RANBP3L: variants seen among roughly 807,000 people sequenced by gnomAD.
RANBP3L encodes the protein ran-binding protein 3-like.
In RANBP3L, 56 loss-of-function variants were observed where a neutral mutation model predicts 67.2. That is an observed-to-expected ratio of 0.83 (90% confidence interval 0.67 to 1.04). The LOEUF (loss-of-function observed/expected upper bound fraction) is 1.04, where lower values mean the gene tolerates loss of function less well. Ranked by LOEUF, RANBP3L falls within the 50% of genes least tolerant of loss-of-function variation. The pLI, the probability that RANBP3L is intolerant of heterozygous loss-of-function variation, is 0.00. For synonymous variants in RANBP3L, 164 were observed against 181.4 expected (o/e 0.90, Z 0.77); for missense variants, 496 against 535.5 (o/e 0.93, Z 0.73).
intron 1 of RANBP3L, 115 bp downstream of exon 1, chr5:36,301,211 T>C: frequency 1.3e-6 from 1 of 741,336 alleles, no homozygotes; most frequent in Non-Finnish European, 2.4e-6. Context: ...CCCACCCTTA[T>C]GCATCACTAT....
chr5:36,253,923 T>C (rs1199556501), intron 11 of RANBP3L, 134 bp from the exon 12 acceptor site: 2 of 760,628 alleles, frequency 2.6e-6, no homozygotes. Flanking sequence ...TTTGACTAGA[T>C]TAAAACTTGA....
intron 1 of RANBP3L, among the ~76,000 whole-genome samples, chr5:36,289,392 T>C (rs1273136208): frequency 6.6e-6 from 1 of 152,162 alleles, no homozygotes; most frequent in African/African-American, 2.4e-5. Context: ...CCTTAATATT[T>C]CCTTATCCTT....
Position 36,256,852 on chromosome 5 carries a change from G to A in RANBP3L, c.903+89C>T, listed in dbSNP as rs768946364. 5.4e-5 allele frequency: 66 copies of A among 1,224,132 alleles called. No homozygotes were observed. In the African/African-American group the frequency reaches 9.3e-4, roughly 17 times the overall value. The allele number at this position is 1,224,132 out of a possible 1,614,324, so 75.8% of individuals were successfully genotyped here. On this transcript the variant is annotated intron_variant, in intron 10 of 13. Transcript: ENST00000296604. ...TAGTCTCCATGAAAACTATACTTCTGTCTGTATTTTTAAAGATGCCTCTTC... is the reference window on the plus strand; with the variant it reads ...TAGTCTCCATGAAAACTATACTTCTATCTGTATTTTTAAAGATGCCTCTTC...
rs1748348097 is a variant in RANBP3L, at chr5:36,247,265, T to C, written c.*2389A>G. On this transcript the variant is annotated 3_prime_UTR_variant, in exon 14 of 14. Transcript: ENST00000296604. ...TTGTACTAAATATTTGTGTAAGAAT[T>C]CTAAGAAAGAATAATGGAGTGTATA... is the stretch of plus-strand genomic sequence containing the variant. Among the ~76,000 whole-genome samples, 1 of 152,296 alleles carries C rather than the reference T, an allele frequency of 6.6e-6. No individual in the cohort carries two copies. Among genetic ancestry groups the C allele is most frequent in the East Asian group, 1.9e-4 (1 of 5,180 alleles).
chr5:36,246,974 C>T lies in RANBP3L; in HGVS notation c.*2680G>A, dbSNP rs1053652962. ...GGGTAAACAGTTGGGTAAAATCTTA[C>T]TAAAAGAAAGTTAAGGTTGTCTTAA... On this transcript the variant is annotated 3_prime_UTR_variant, in exon 14 of 14. Coordinates refer to ENST00000296604, the MANE Select transcript of RANBP3L (RefSeq NM_145000.5). 6.6e-6 allele frequency among the ~76,000 whole-genome samples: 1 copy of T among 152,024 alleles called. No individual in the cohort carries two copies. The highest frequency in any genetic ancestry group is 1.5e-5 in the Non-Finnish European group (1 of 68,000).
chr5:36,256,475 G>A (rs906031422), intron 10 of RANBP3L, among the ~76,000 whole-genome samples: 4 of 152,058 alleles, frequency 2.6e-5, no homozygotes, highest in African/African-American at 9.7e-5. Context: ...ATACTGTAGT[G>A]TGTATCTGTG....
intron 1 of RANBP3L, among the ~76,000 whole-genome samples, chr5:36,281,836 G>A (rs914485716): frequency 9.9e-5 from 15 of 152,186 alleles, no homozygotes; most frequent in African/African-American, 3.6e-4. Context: ...TAAGAAGAAT[G>A]TGTTACTTTT....
chr5:36,298,256 T>C (rs1418162106), intron 1 of RANBP3L, among the ~76,000 whole-genome samples: 2 of 147,674 alleles, frequency 1.4e-5, no homozygotes, highest in African/African-American at 5.1e-5. Context: ...GCCGAGATCA[T>C]GCCACTGCAC....
intron 1 of RANBP3L, among the ~76,000 whole-genome samples, chr5:36,296,616 G>A (rs1211266487): frequency 6.6e-6 from 1 of 152,150 alleles, no homozygotes; most frequent in East Asian, 1.9e-4. Context: ...TGACCTTGAA[G>A]ATTCACGGTT....
At chr5:36,288,186 T>G (rs1751457399) in intron 1 of RANBP3L, among the ~76,000 whole-genome samples, 1 of 152,230 alleles carries the variant, frequency 6.6e-6, no homozygotes, top group Non-Finnish European at 1.5e-5. Flanking sequence ...GGGCAACAAC[T>G]GTTCTGATGT....
At chr5:36,251,247 T>C (rs1579664322) in intron 13 of RANBP3L, 66 bp downstream of exon 13, 2 of 1,322,192 alleles carry the variant, frequency 1.5e-6, no homozygotes, top group Non-Finnish European at 1.0e-6. Context: ...ATCTACCTAA[T>C]ATATTAGGAT....
At chr5:36,273,749 C>G (rs975816875) in intron 1 of RANBP3L, among the ~76,000 whole-genome samples, 1 of 151,936 alleles carries the variant, frequency 6.6e-6, no homozygotes, top group Non-Finnish European at 1.5e-5. Context: ...AGCCTTTTTT[C>G]CTTTCTACTG....
intron 1 of RANBP3L, 106 bp downstream of exon 1, chr5:36,301,220 A>G: frequency 2.5e-6 from 2 of 803,032 alleles, no homozygotes; most frequent in Non-Finnish European, 4.4e-6. Context: ...ATGCATCACT[A>G]TTATGTCAGA....
At chr5:36,290,715 G>C (rs1049781898) in intron 1 of RANBP3L, among the ~76,000 whole-genome samples, 12 of 143,812 alleles carry the variant, frequency 8.3e-5, no homozygotes, top group Admixed American at 2.8e-4. Flanking sequence ...GATGGCCTTG[G>C]ACAACCATGG....
chr5:36,277,438 A>ATGTG (rs1750664101), intron 1 of RANBP3L, among the ~76,000 whole-genome samples: 8 of 82,262 alleles, frequency 9.7e-5, no homozygotes, highest in African/African-American at 3.9e-4. Context: ...ATATATATAT[A>ATGTG]TATGTGTGTG....
chr5:36,282,812 C>T (rs535738694), intron 1 of RANBP3L, among the ~76,000 whole-genome samples: 5 of 152,120 alleles, frequency 3.3e-5, no homozygotes, highest in Non-Finnish European at 7.4e-5. Flanking sequence ...CATCATTCCT[C>T]TTCTCCTTGT....
intron 1 of RANBP3L, among the ~76,000 whole-genome samples, chr5:36,276,525 AT>A (rs1750579586): frequency 6.6e-6 from 1 of 152,188 alleles, no homozygotes; most frequent in Non-Finnish European, 1.5e-5. Flanking sequence ...CTATGCATAT[AT>A]TTAATTGCTT....
intron 12 of RANBP3L, among the ~76,000 whole-genome samples, 173 bp from the exon 13 acceptor site, chr5:36,251,672 T>C (rs2111603375): frequency 6.6e-6 from 1 of 152,246 alleles, no homozygotes; most frequent in East Asian, 1.9e-4. Flanking sequence ...TTGAACCAAA[T>C]TGAATCCTAA....
At chr5:36,268,211 A>T in intron 4 of RANBP3L, 1 of 1,538,098 alleles carries the variant, frequency 6.5e-7, no homozygotes, top group South Asian at 1.2e-5. Context: ...GAATGGGGGA[A>T]GGTTGGGAGG....
Sources: gnomAD v4.1 joint callset for allele counts (sites outside exome capture counted in the v4.1 genomes callset) on GRCh38, gnomAD v4.1.1 for gene constraint, MANE v1.5 for transcripts, NCBI Gene and HGNC (gene_info 2026-07-23, HGNC 2026-07-21) for gene names.